The following ENTPD3 variants were observed in gnomAD, a reference collection of about 807,000 sequenced individuals.
The protein encoded by ENTPD3 is CD39 antigen-like 3.
Under a neutral mutation model 51.2 loss-of-function variants are expected in ENTPD3, and 60 were observed. That is an observed-to-expected ratio of 1.17 (90% CI 0.95 to 1.45). ENTPD3 has a LOEUF of 1.45. Among genes scored for constraint, ENTPD3 ranks in the 40% most tolerant of loss-of-function variants. The pLI, the probability that ENTPD3 is intolerant of heterozygous loss-of-function variation, is 0.00. For synonymous variants in ENTPD3, 221 were observed against 238.4 expected (o/e 0.93, Z 0.67); for missense variants, 593 against 641.1 (o/e 0.93, Z 0.81).
chr3:40,409,355 G>A (rs768085838), intron 4 of ENTPD3, among the ~76,000 whole-genome samples: 21 of 152,126 alleles, frequency 1.4e-4, no homozygotes, highest in Non-Finnish European at 2.6e-4. Context: ...CTGAACTCCT[G>A]AGATCAAGCC....
chr3:40,415,771 TGGA>T, intron 6 of ENTPD3, 66 bp from the exon 7 acceptor site: 1 of 1,251,428 alleles, frequency 8.0e-7, no homozygotes, highest in Non-Finnish European at 1.2e-6. Context: ...GAGGCTTGGG[TGGA>T]GAACTCTGGG....
intron 4 of ENTPD3, among the ~76,000 whole-genome samples, chr3:40,406,593 G>C (rs894868222): frequency 1.3e-5 from 2 of 152,216 alleles, no homozygotes; most frequent in Admixed American, 6.5e-5. Context: ...GAGATTAGGT[G>C]ATGGTCAATT....
At chr3:40,401,710 T>C (rs1349670495) in intron 4 of ENTPD3, among the ~76,000 whole-genome samples, 1 of 152,246 alleles carries the variant, frequency 6.6e-6, no homozygotes, top group Non-Finnish European at 1.5e-5. Flanking sequence ...AATTCTCATA[T>C]CATGAAATGT....
intron 4 of ENTPD3, 25 bp downstream of exon 4, chr3:40,401,036 G>T: frequency 6.5e-7 from 1 of 1,544,180 alleles, no homozygotes; most frequent in Non-Finnish European, 9.0e-7. Flanking sequence ...GTGTCTGGGA[G>T]TCACAATGGG....
chr3:40,427,733 C>G lies in ENTPD3; in HGVS notation c.*225C>G. On this transcript the variant is annotated 3_prime_UTR_variant, in exon 11 of 11. Coordinates refer to ENST00000301825, the MANE Select transcript of ENTPD3 (RefSeq NM_001248.4). ...GAGACCTCACTACCCACATGCTGAT[C>G]TATTGGGGAACAGAGAAGAGACAGG... 1 of 558,514 alleles carries G rather than the reference C, an allele frequency of 1.8e-6. No homozygotes were observed. Among genetic ancestry groups the G allele is most frequent in the South Asian group, 2.1e-5 (1 of 47,858 alleles). The allele number at this position is 558,514 out of a possible 1,614,324, so 34.6% of individuals were successfully genotyped here. A position where few individuals can be genotyped will look rare whatever the true frequency, so the allele number is the denominator to read the frequency against.
chr3:40,387,642 A>G (rs971664065), intron 1 of ENTPD3, among the ~76,000 whole-genome samples: 3 of 152,244 alleles, frequency 2.0e-5, no homozygotes, highest in Admixed American at 1.3e-4. Flanking sequence ...GAGAGGCTCC[A>G]GGCTCGCGAT....
intron 4 of ENTPD3, among the ~76,000 whole-genome samples, chr3:40,402,124 T>TTTTTTTC (rs1955376496): frequency 2.8e-5 from 1 of 35,164 alleles, no homozygotes; most frequent in Non-Finnish European, 1.1e-4. Context: ...TTTTTTTTTC[T>TTTTTTTC]TTTTTTTTTT....
At chr3:40,396,226 A>G (rs1338904025) in intron 3 of ENTPD3, among the ~76,000 whole-genome samples, 1 of 152,234 alleles carries the variant, frequency 6.6e-6, no homozygotes, top group Non-Finnish European at 1.5e-5. Context: ...GGCCAGTTGA[A>G]CCAGAAACGG....
intron 4 of ENTPD3, among the ~76,000 whole-genome samples, chr3:40,408,437 T>C (rs1297715526): frequency 1.3e-5 from 2 of 152,206 alleles, no homozygotes; most frequent in Non-Finnish European, 2.9e-5. Flanking sequence ...AGATGGGCTG[T>C]GTATTGATTA....
At position 40,422,841 on chromosome 3, in the gene ENTPD3, T is replaced by C. The variant is rs1442119994; in HGVS notation, c.832-9T>C. 5 of 1,607,538 alleles carry C rather than the reference T, an allele frequency of 3.1e-6. No individual in the cohort carries two copies. Among genetic ancestry groups the C allele is most frequent in the Admixed American group, 1.7e-5 (1 of 59,762 alleles). ...ATACGTGTCTAACACCTTACTCTTA[T>C]ACCTACAGAATTCTCCTACCAAAAA... is the stretch of plus-strand genomic sequence containing the variant. On this transcript the variant is annotated splice_polypyrimidine_tract_variant and intron_variant, in intron 7 of 10. Coordinates refer to ENST00000301825, the MANE Select transcript of ENTPD3 (RefSeq NM_001248.4).
intron 10 of ENTPD3, chr3:40,424,835 A>C: frequency 1.4e-6 from 1 of 700,160 alleles, no homozygotes; most frequent in South Asian, 1.5e-5. Flanking sequence ...AGCAATAATT[A>C]GATTAAACCA....
intron 3 of ENTPD3, among the ~76,000 whole-genome samples, chr3:40,397,139 T>TTTTTTTTTTTTA (rs1553642641): frequency 6.9e-6 from 1 of 145,806 alleles, no homozygotes; most frequent in African/African-American, 2.7e-5. Context: ...TTTTTTTTTT[T>TTTTTTTTTTTTA]CAGAAAGCCT....
At chr3:40,424,692 A>C (rs1955949867) in intron 10 of ENTPD3, 1 of 698,904 alleles carries the variant, frequency 1.4e-6, no homozygotes, top group African/African-American at 1.8e-5. Context: ...CCTTGTTTTT[A>C]GGCAGGGCTA....
At chr3:40,414,632 G>T (rs749351976) in intron 5 of ENTPD3, 49 bp from the exon 6 acceptor site, 2 of 1,600,736 alleles carry the variant, frequency 1.2e-6, no homozygotes, top group South Asian at 2.2e-5. Flanking sequence ...TGTATTTTAA[G>T]ACTGTATTGT....
chr3:40,392,574 C>CA (rs374441240), intron 3 of ENTPD3: 6,118 of 125,606 alleles, frequency 0.049, 379 homozygotes, highest in African/African-American at 0.15. Context: ...CCATCTCTAT[C>CA]AAAAAAAAAA....
chr3:40,425,846 C>T (rs915890607), intron 10 of ENTPD3, among the ~76,000 whole-genome samples: 6 of 147,410 alleles, frequency 4.1e-5, no homozygotes, highest in Non-Finnish European at 7.5e-5. Flanking sequence ...TGCAGTGAGC[C>T]GAGATCTCAC....
At chr3:40,421,385 T>A (rs1955868847) in intron 7 of ENTPD3, among the ~76,000 whole-genome samples, 2 of 152,098 alleles carry the variant, frequency 1.3e-5, no homozygotes, top group African/African-American at 2.4e-5. Context: ...TGAACATAGT[T>A]CAAATCCAAT....
chr3:40,388,090 G>A lies in ENTPD3; in HGVS notation c.33G>A (p.Glu11=). ...CTGTGCTGACCCGCCAACCATGTGA[G>A]CAAGCAGGTTAGTATCTCTCAGCAG... MFTVLTRQPC[E]QAGLKALYRT... The change falls in exon 2 of 11, where the codon GAG becomes GAA. Residue 11 remains glutamate (E), a synonymous_variant. Coordinates refer to ENST00000301825, the MANE Select transcript of ENTPD3 (RefSeq NM_001248.4). 1.9e-6 allele frequency: 3 copies of A among 1,614,128 alleles called. No homozygotes were observed. The highest frequency in any genetic ancestry group is 2.5e-6 in the Non-Finnish European group (3 of 1,180,002).
At chr3:40,395,060 T>TA (rs1190021192) in intron 3 of ENTPD3, among the ~76,000 whole-genome samples, 1 of 152,200 alleles carries the variant, frequency 6.6e-6, no homozygotes, top group Non-Finnish European at 1.5e-5. Context: ...GGCAGCTGCT[T>TA]ACAGGGAGTG....
Sources: gnomAD v4.1 joint callset for allele counts (sites outside exome capture counted in the v4.1 genomes callset) on GRCh38, gnomAD v4.1.1 for gene constraint, MANE v1.5 for transcripts, NCBI Gene and HGNC (gene_info 2026-07-23, HGNC 2026-07-21) for gene names.